Variants in LIN7A observed in about 807,000 individuals in gnomAD.
LIN7A encodes the protein lin-7 cell polarity scaffold A.
In LIN7A, 25 loss-of-function variants were observed where a neutral mutation model predicts 29.8. The ratio of observed to expected loss-of-function variants is 0.84; its 90% CI spans 0.61 to 1.17. The LOEUF is 1.17. Among genes scored for constraint, LIN7A ranks in the 50% most tolerant of loss-of-function variants. The pLI, the probability that LIN7A is intolerant of heterozygous loss-of-function variation, is 0.00. For synonymous variants in LIN7A, 118 were observed against 107.5 expected, an observed-to-expected ratio of 1.10 and a Z score of -0.60; for missense variants, 239 against 287.0, an observed-to-expected ratio of 0.83 and a Z score of 1.21.
intron 1 of LIN7A, among the ~76,000 whole-genome samples, chr12:80,915,432 A>G (rs964019087): frequency 1.3e-5 from 2 of 152,240 alleles, no homozygotes; most frequent in Non-Finnish European, 2.9e-5. Context: ...GTGGAAATGT[A>G]AAACAGTCCA....
intron 1 of LIN7A, among the ~76,000 whole-genome samples, chr12:80,916,357 T>TCC (rs936501739): frequency 6.6e-6 from 1 of 151,906 alleles, no homozygotes; most frequent in Admixed American, 6.6e-5. Context: ...CTCTTTCTCT[T>TCC]TCTCTCTCTC....
chr12:80,844,044 C>G (rs1399273016), intron 4 of LIN7A, among the ~76,000 whole-genome samples: 1 of 151,714 alleles, frequency 6.6e-6, no homozygotes, highest in Non-Finnish European at 1.5e-5. Context: ...ATTTTTTAAA[C>G]TTTTCATACT....
At chr12:80,915,173 AAC>A (rs1325024707) in intron 1 of LIN7A, among the ~76,000 whole-genome samples, 198 of 151,838 alleles carry the variant, frequency 1.3e-3, no homozygotes, top group African/African-American at 4.6e-3. Context: ...AAAACAAAAA[AAC>A]AAAAAAAATT....
Position 80,892,776 on chromosome 12 carries a change from G to A in LIN7A, c.83-3407C>T, listed in dbSNP as rs559842524. On this transcript the variant is annotated intron_variant, in intron 1 of 5. Coordinates refer to ENST00000552864, the MANE Select transcript of LIN7A (RefSeq NM_004664.4). ...TGGCACAGAGTGGGGGGCTGGGCAT[G>A]GGGCTTTTTAAAGCCCTTCAGGCGA... Among the ~76,000 whole-genome samples the A allele has an allele frequency of 4.6e-5, 7 of 152,256 alleles. 1 individual carries two copies. Among genetic ancestry groups the A allele is most frequent in the African/African-American group, 1.7e-4 (7 of 41,558 alleles).
At chr12:80,920,712 T>C (rs1384400600) in intron 1 of LIN7A, among the ~76,000 whole-genome samples, 2 of 152,190 alleles carry the variant, frequency 1.3e-5, no homozygotes, top group African/African-American at 4.8e-5. Context: ...ATATGCATAA[T>C]TAAATTATAT....
intron 5 of LIN7A, among the ~76,000 whole-genome samples, chr12:80,802,899 G>C (rs940512313): frequency 3.9e-5 from 6 of 152,184 alleles, no homozygotes; most frequent in Non-Finnish European, 8.8e-5. Flanking sequence ...GTGACAATGA[G>C]CATTTTTCAT....
At chr12:80,828,251 C>T (rs573502262) in intron 4 of LIN7A, among the ~76,000 whole-genome samples, 1 of 152,054 alleles carries the variant, frequency 6.6e-6, no homozygotes. Context: ...AAAATAGTTA[C>T]TCATATACAT....
At chr12:80,912,165 A>C (rs1044696791) in intron 1 of LIN7A, among the ~76,000 whole-genome samples, 1 of 152,206 alleles carries the variant, frequency 6.6e-6, no homozygotes, top group Admixed American at 6.6e-5. Context: ...GGGCAGCCTT[A>C]CTATCTTTAT....
intron 4 of LIN7A, among the ~76,000 whole-genome samples, chr12:80,813,839 GC>G (rs1477515380): frequency 6.6e-6 from 1 of 152,064 alleles, no homozygotes; most frequent in Non-Finnish European, 1.5e-5. Flanking sequence ...AACTGCCAAG[GC>G]CTTTTTGCCT....
intron 2 of LIN7A, among the ~76,000 whole-genome samples, chr12:80,888,294 G>A (rs35067031): frequency 6.6e-6 from 1 of 152,284 alleles, no homozygotes; most frequent in South Asian, 2.1e-4. Flanking sequence ...TAAATCTGTA[G>A]TGAGAAGTTT....
intron 5 of LIN7A, among the ~76,000 whole-genome samples, chr12:80,809,264 C>T: frequency 6.6e-6 from 1 of 152,182 alleles, no homozygotes; most frequent in Non-Finnish European, 1.5e-5. Context: ...CTGCTCCCAG[C>T]CTGTAGCTTC....
intron 1 of LIN7A, among the ~76,000 whole-genome samples, chr12:80,898,599 T>C (rs1876034069): frequency 7.3e-6 from 1 of 137,780 alleles, no homozygotes; most frequent in Non-Finnish European, 1.6e-5. Context: ...TAATATTGAT[T>C]CTTCCTATCC....
intron 2 of LIN7A, among the ~76,000 whole-genome samples, chr12:80,884,671 T>G (rs1397538250): frequency 6.6e-6 from 1 of 152,182 alleles, no homozygotes; most frequent in Non-Finnish European, 1.5e-5. Flanking sequence ...AGTAGAGAAC[T>G]GACCCAGTTT....
At chr12:80,840,114 G>T (rs961089713) in intron 4 of LIN7A, among the ~76,000 whole-genome samples, 1 of 151,824 alleles carries the variant, frequency 6.6e-6, no homozygotes, top group Admixed American at 6.6e-5. Context: ...ATCAGTACCA[G>T]TAAAATATCA....
intron 1 of LIN7A, among the ~76,000 whole-genome samples, chr12:80,903,782 C>A (rs904092963): frequency 6.6e-6 from 1 of 151,946 alleles, no homozygotes; most frequent in Non-Finnish European, 1.5e-5. Context: ...TCCATAGAAG[C>A]TGTAGTAAGT....
intron 2 of LIN7A, among the ~76,000 whole-genome samples, chr12:80,888,862 T>C (rs1875474066): frequency 1.3e-5 from 2 of 152,128 alleles, no homozygotes; most frequent in African/African-American, 4.8e-5. Context: ...CAGTAGGAGG[T>C]TACTACTTCA....
chr12:80,810,773 A>C lies in LIN7A; in HGVS notation c.*692T>G, dbSNP rs146003621. On this transcript the variant is annotated intron_variant, in intron 5 of 5. Transcript: ENST00000552864. ...ACTTGTTATCTTTCCTCTTTTTGAT[A>C]ATAGCCAAATTAAAAGGTATGAGGT... 5.4e-3 allele frequency among the ~76,000 whole-genome samples: 819 copies of C among 152,352 alleles called. 5 individuals carry two copies. The highest frequency in any genetic ancestry group is 0.018 in the African/African-American group (749 of 41,570).
At chr12:80,918,718 T>C (rs1488146376) in intron 1 of LIN7A, among the ~76,000 whole-genome samples, 7 of 152,240 alleles carry the variant, frequency 4.6e-5, no homozygotes, top group Non-Finnish European at 1.0e-4. Context: ...TGGCTCAGTC[T>C]ACCATATTAG....
chr12:80,865,983 AG>A (rs1013677474), intron 2 of LIN7A, among the ~76,000 whole-genome samples: 2 of 152,172 alleles, frequency 1.3e-5, no homozygotes, highest in Non-Finnish European at 2.9e-5. Flanking sequence ...AAGGTATTAA[AG>A]GGCCTTAATC....
Sources: gnomAD v4.1 joint callset for allele counts (sites outside exome capture counted in the v4.1 genomes callset) on GRCh38, gnomAD v4.1.1 for gene constraint, MANE v1.5 for transcripts, NCBI Gene and HGNC (gene_info 2026-07-23, HGNC 2026-07-21) for gene names.